The following SRSF10 variants were observed in gnomAD, a reference collection of about 807,000 sequenced individuals.
SRSF10 encodes serine and arginine rich splicing factor 10.
A neutral mutation model predicts 32.6 loss-of-function variants in SRSF10; 9 were observed. That is an observed-to-expected ratio of 0.28 (90% CI 0.17 to 0.48). SRSF10 has a LOEUF of 0.48. SRSF10 is among the 20% of genes least tolerant of loss of function. SRSF10 has a pLI of 0.99. For synonymous variants in SRSF10, 105 were observed against 112.4 expected, an observed-to-expected ratio of 0.93 and a Z score of 0.42; for missense variants, 201 against 331.8, an observed-to-expected ratio of 0.61 and a Z score of 3.06.
At position 23,971,201 on chromosome 1, in the gene SRSF10, T is replaced by C; in HGVS notation, c.730A>G (p.Arg244Gly). The change falls in exon 6 of 6, where the codon AGG becomes GGG. Residue 244 changes from arginine (R) to glycine (G), a missense_variant. Around this residue, in one of 3 missense-constraint regions of SRSF10, gnomAD observed 159 missense variants for 196.7 expected, o/e 0.81. Transcript: ENST00000492112. ...CTTGATCTAGATTTTGACCTAGACCTAGACTGTGATCTTGACTGAGATTTG... is the reference window on the plus strand; with the variant it reads ...CTTGATCTAGATTTTGACCTAGACCCAGACTGTGATCTTGACTGAGATTTG... ...RSKSQSRSQS[R>G]SRSKSRSRSW... 2 of 1,614,188 alleles carry C rather than the reference T, an allele frequency of 1.2e-6. No homozygotes were observed. Among genetic ancestry groups the C allele is most frequent in the Non-Finnish European group, 1.7e-6 (2 of 1,180,026 alleles).
chr1:23,978,830 A>C lies in SRSF10; in HGVS notation c.66-13T>G. The C allele has an allele frequency of 6.3e-7, 1 of 1,594,468 alleles. No individual in the cohort carries two copies. The highest frequency in any genetic ancestry group is 1.1e-5 in the South Asian group (1 of 87,694). Reference sequence around the variant, plus strand: ...CAAGTCTTCAGACCTAAAACATCATAAAAAGACCTCAAATTTTTATGTCCA... The same window carrying C: ...CAAGTCTTCAGACCTAAAACATCATCAAAAGACCTCAAATTTTTATGTCCA... On this transcript the variant is annotated splice_polypyrimidine_tract_variant and intron_variant, in intron 1 of 5. Transcript: ENST00000492112.
At chr1:23,973,748 T>C (rs61772989) in intron 3 of SRSF10, among the ~76,000 whole-genome samples, 73,162 of 152,186 alleles carry the variant, frequency 0.48, 17,891 homozygotes, top group South Asian at 0.64. Context: ...CTATGAACAA[T>C]GTGCAGTGTC....
intron 1 of SRSF10, 143 bp downstream of exon 1, chr1:23,980,048 G>T: frequency 2.3e-6 from 2 of 860,180 alleles, no homozygotes; most frequent in Admixed American, 3.6e-5. Flanking sequence ...CCCGCTGCGC[G>T]GCCTAGTTCG....
Position 23,969,101 on chromosome 1 carries a change from TA to T in SRSF10, c.*2040del. 1 of 983,148 alleles carries T rather than the reference TA, an allele frequency of 1.0e-6. No homozygotes were observed. 60.9% of individuals were successfully genotyped at this position (983,148 alleles called of 1,614,324 possible). Reference sequence around the variant, plus strand: ...ATTATTTCCTTCATTTTGTTTTTATTATAGCATGTTTGCTTAATTTACAGCA... The same window carrying T: ...ATTATTTCCTTCATTTTGTTTTTATTTAGCATGTTTGCTTAATTTACAGCA... On this transcript the variant is annotated 3_prime_UTR_variant, in exon 6 of 6. Transcript: ENST00000492112.
At position 23,969,512 on chromosome 1, in the gene SRSF10, T is replaced by C. The variant is rs1641621324; in HGVS notation, c.*1630A>G. ...CACAAACAGTATTTAAAATCCATCG[T>C]TGTATTCTTTACAGGCAAAGCCTAG... is the stretch of plus-strand genomic sequence containing the variant. On this transcript the variant is annotated 3_prime_UTR_variant, in exon 6 of 6. Transcript: ENST00000492112. 1 of 985,300 alleles carries C rather than the reference T, an allele frequency of 1.0e-6. No individual in the cohort carries two copies. Among genetic ancestry groups the C allele is most frequent in the African/African-American group, 1.7e-5 (1 of 57,368 alleles). 61.0% of individuals were successfully genotyped at this position (985,300 alleles called of 1,614,324 possible). A position where few individuals can be genotyped will look rare whatever the true frequency, so the allele number is the denominator to read the frequency against.
rs898063287 is a variant in SRSF10, at chr1:23,975,119, A to G, written c.171-42T>C. On this transcript the variant is annotated intron_variant, in intron 2 of 5. Transcript: ENST00000492112. Reference sequence around the variant, plus strand: ...GGCTTGGGAAGTTTTGCAAACTTTGATAATGAATGAAAGTTCAGTTGGTAT... The same window carrying G: ...GGCTTGGGAAGTTTTGCAAACTTTGGTAATGAATGAAAGTTCAGTTGGTAT... 3.3e-6 allele frequency: 5 copies of G among 1,494,472 alleles called. No individual in the cohort carries two copies. The Admixed American group carries it at 8.4e-5, about 25-fold the overall frequency. The allele number at this position is 1,494,472 out of a possible 1,614,324, so 92.6% of individuals were successfully genotyped here. A position where few individuals can be genotyped will look rare whatever the true frequency, so the allele number is the denominator to read the frequency against.
Position 23,970,419 on chromosome 1 carries a change from G to A in SRSF10, c.*723C>T. 7 of 922,886 alleles carry A rather than the reference G, an allele frequency of 7.6e-6. No homozygotes were observed. Among genetic ancestry groups the A allele is most frequent in the Non-Finnish European group, 9.0e-6 (7 of 777,928 alleles). The allele number at this position is 922,886 out of a possible 1,614,324, so 57.2% of individuals were successfully genotyped here. ...TCTGTTGCCCAGGCTGGAGTGCAGT[G>A]GCGTGATTTTGGCTCACTGCAACTT... On this transcript the variant is annotated 3_prime_UTR_variant, in exon 6 of 6. Transcript: ENST00000492112.
intron 2 of SRSF10, among the ~76,000 whole-genome samples, chr1:23,978,440 G>A (rs935774186): frequency 6.6e-6 from 1 of 152,160 alleles, no homozygotes; most frequent in Non-Finnish European, 1.5e-5. Flanking sequence ...TTACATTAAA[G>A]GTAGTAGCAA....
At chr1:23,975,854 G>C (rs1381579941) in intron 2 of SRSF10, 3 of 152,226 alleles carry the variant, frequency 2.0e-5, no homozygotes, top group Non-Finnish European at 2.9e-5. Context: ...AAATGGGTTT[G>C]AGACTGGTTT....
rs1211567078 is a variant in SRSF10, at chr1:23,974,868, T to A, written c.274+106A>T. ...AAGAAAGAAAGAAAGAAAAAAAAGA[T>A]CCCTTTGGGTTTTGAACAGAAACAC... On this transcript the variant is annotated intron_variant, in intron 3 of 5. Transcript: ENST00000492112. The A allele has an allele frequency of 3.8e-6, 3 of 793,302 alleles. No homozygotes were observed. The African/African-American group carries it at 5.3e-5, about 14-fold the overall frequency. The allele number at this position is 793,302 out of a possible 1,614,324, so 49.1% of individuals were successfully genotyped here. A position where few individuals can be genotyped will look rare whatever the true frequency, so the allele number is the denominator to read the frequency against.
In SRSF10 at chr1:23,970,392, ACT is replaced by A; in HGVS notation, c.*748_*749del. 4 of 929,678 alleles carry A rather than the reference ACT, an allele frequency of 4.3e-6. No homozygotes were observed. Among genetic ancestry groups the A allele is most frequent in the Non-Finnish European group, 5.0e-6 (4 of 793,644 alleles). 57.6% of individuals were successfully genotyped at this position (929,678 alleles called of 1,614,324 possible). A position where few individuals can be genotyped will look rare whatever the true frequency, so the allele number is the denominator to read the frequency against. ...TTTTTTTTTTTTGAGACGGAGTCTC[ACT>A]CTGTTGCCCAGGCTGGAGTGCAGTG... On this transcript the variant is annotated 3_prime_UTR_variant, in exon 6 of 6. Coordinates refer to ENST00000492112, the MANE Select transcript of SRSF10 (RefSeq NM_054016.4).
In SRSF10 at chr1:23,970,499, T is replaced by C. The variant is rs1641685142; in HGVS notation, c.*643A>G. 1 of 513,144 alleles carries C rather than the reference T, an allele frequency of 1.9e-6. No individual in the cohort carries two copies. The highest frequency in any genetic ancestry group is 6.4e-5 in the Admixed American group (1 of 15,656). The allele number at this position is 513,144 out of a possible 1,614,324, so 31.8% of individuals were successfully genotyped here. A position where few individuals can be genotyped will look rare whatever the true frequency, so the allele number is the denominator to read the frequency against. On this transcript the variant is annotated 3_prime_UTR_variant, in exon 6 of 6. Transcript: ENST00000492112. ...CCTCAGCCTCCTGAGTAGCTGAGAT[T>C]ACAGGCATGTGCCACCATGCCCGGA...
At position 23,967,894 on chromosome 1, in the gene SRSF10, CTATG is replaced by C; in HGVS notation, c.*3244_*3247del. 2 of 1,547,702 alleles carry C rather than the reference CTATG, an allele frequency of 1.3e-6. No individual in the cohort carries two copies. The highest frequency in any genetic ancestry group is 1.7e-6 in the Non-Finnish European group (2 of 1,146,308). ...GGGATGTAACTTAACAGCTCATACT[CTATG>C]TAGCACCTTTCCTCTCTCACTGAAG... is the stretch of plus-strand genomic sequence containing the variant. On this transcript the variant is annotated 3_prime_UTR_variant, in exon 6 of 6. Coordinates refer to ENST00000492112, the MANE Select transcript of SRSF10 (RefSeq NM_054016.4).
At chr1:23,973,992 A>ATTTT (rs141826891) in intron 3 of SRSF10, among the ~76,000 whole-genome samples, 3 of 134,202 alleles carry the variant, frequency 2.2e-5, no homozygotes, top group African/African-American at 5.6e-5. Context: ...CTCAGCAGCT[A>ATTTT]TTTTTTTTTT....
intron 3 of SRSF10, among the ~76,000 whole-genome samples, chr1:23,972,997 T>G (rs1641865599): frequency 6.6e-6 from 1 of 151,988 alleles, no homozygotes; most frequent in Non-Finnish European, 1.5e-5. Context: ...CTGCCCGCCT[T>G]GACCTCCCAA....
chr1:23,967,543 G>T lies in SRSF10; in HGVS notation c.*3599C>A. The T allele has an allele frequency of 3.4e-6, 2 of 582,812 alleles. No individual in the cohort carries two copies. The allele number at this position is 582,812 out of a possible 1,614,324, so 36.1% of individuals were successfully genotyped here. A position where few individuals can be genotyped will look rare whatever the true frequency, so the allele number is the denominator to read the frequency against. The stretch of plus-strand genomic sequence containing the variant: ...ACTTCAATTATTCCATGTAGTTTTC[G>T]ATAACATTCTTTTATCTTTTCAGAC... On this transcript the variant is annotated 3_prime_UTR_variant, in exon 6 of 6. Transcript: ENST00000492112.
chr1:23,979,119 A>G (rs1461850896), intron 1 of SRSF10, among the ~76,000 whole-genome samples: 1 of 150,516 alleles, frequency 6.6e-6, no homozygotes, highest in Non-Finnish European at 1.5e-5. Flanking sequence ...AAAAATACCA[A>G]GCACTTATTT....
chr1:23,971,807 A>G, intron 4 of SRSF10, 43 bp downstream of exon 4: 1 of 1,564,928 alleles, frequency 6.4e-7, no homozygotes, highest in Non-Finnish European at 8.6e-7. Flanking sequence ...ATGCTAACAA[A>G]TACATTTTTT....
rs1356382408 is a variant in SRSF10, at chr1:23,974,996, C to T, written c.252G>A (p.Gln84=). The T allele has an allele frequency of 1.9e-6, 3 of 1,613,540 alleles. No individual in the cohort carries two copies. The highest frequency in any genetic ancestry group is 2.7e-5 in the African/African-American group (2 of 74,900). The change falls in exon 3 of 6, where the codon CAG becomes CAA. Residue 84 remains glutamine, a synonymous_variant. Coordinates refer to ENST00000492112, the MANE Select transcript of SRSF10 (RefSeq NM_054016.4). ...TACTCTTTCGATCCCCCTGGGCAAA[C>T]TGTATTTCAATCTGCCGTCCACAAA... ...KWICGRQIEI[Q]FAQGDRKTPN...
Sources: gnomAD v4.1 joint callset for allele counts (sites outside exome capture counted in the v4.1 genomes callset) on GRCh38, gnomAD v4.1.1 for gene constraint, gnomAD v4.1.1 regional missense constraint, MANE v1.5 for transcripts, NCBI Gene and HGNC (gene_info 2026-07-23, HGNC 2026-07-21) for gene names.